RGS12: variants seen among roughly 807,000 people sequenced by gnomAD.
RGS12 encodes regulator of G protein signaling 12.
Under a neutral mutation model 120.1 loss-of-function variants are expected in RGS12, and 66 were observed. That is an observed-to-expected ratio of 0.55 (90% CI 0.45 to 0.67). RGS12 has a LOEUF of 0.67. Among genes scored for constraint, RGS12 ranks in the 30% least tolerant of loss-of-function variants. The pLI is 0.00. For synonymous variants in RGS12, 827 were observed against 804.7 expected, an observed-to-expected ratio of 1.03 and a Z score of -0.47; for missense variants, 1,859 against 1,957.7, an observed-to-expected ratio of 0.95 and a Z score of 0.95.
upstream of RGS12, among the ~76,000 whole-genome samples, chr4:3,288,773 C>A (rs1312171598): frequency 6.6e-6 from 1 of 152,234 alleles, no homozygotes; most frequent in Non-Finnish European, 1.5e-5. The surrounding 1 kb of genome is among the most constrained non-coding windows in gnomAD (Gnocchi z 5.2). Context: ...TGGGCCTTTG[C>A]ACCGATTCCC....
At position 3,317,526 on chromosome 4, in the gene RGS12, C is replaced by T. The variant is rs142127526; in HGVS notation, c.1356C>T (p.Pro452=). 1.6e-3 allele frequency: 2,537 copies of T among 1,611,668 alleles called. 51 individuals carry two copies. In the Admixed American group the frequency reaches 0.039, roughly 24 times the overall value. Residue 452 remains proline, a synonymous_variant, in exon 2 of 18, where the codon CCC becomes CCT. Coordinates refer to ENST00000336727, the MANE Select transcript of RGS12 (RefSeq NM_001394154.1). ...DLGGSSSRHG[P]GGSAWDGVGG... ...GTGGGAGCTCGAGCAGACACGGCCC[C>T]GGAGGCAGCGCGTGGGACGGTGTGG...
chr4:3,377,175 G>A (rs1358173983), intron 3 of RGS12, among the ~76,000 whole-genome samples: 5 of 152,086 alleles, frequency 3.3e-5, no homozygotes, highest in East Asian at 3.9e-4. Flanking sequence ...GGGCTCAAGC[G>A]ATCCTCCTGC....
chr4:3,420,748 G>T (rs371964195), intron 10 of RGS12, 30 bp downstream of exon 10: 3 of 1,583,680 alleles, frequency 1.9e-6, no homozygotes, highest in Non-Finnish European at 8.6e-7. Context: ...CGTCCCACAG[G>T]CCTCAGGGGT....
At chr4:3,417,227 A>G in intron 8 of RGS12, 135 bp downstream of exon 8, 2 of 1,320,850 alleles carry the variant, frequency 1.5e-6, no homozygotes, top group Non-Finnish European at 2.0e-6. Flanking sequence ...GGAAAGTTCC[A>G]GCTGCTGTCT....
intron 3 of RGS12, among the ~76,000 whole-genome samples, chr4:3,379,004 GATGTGT>G (rs914790066): frequency 1.8e-5 from 2 of 109,106 alleles, no homozygotes; most frequent in African/African-American, 6.5e-5. Context: ...GGAAATGTGC[GATGTGT>G]GTGTGTGTGT....
intron 7 of RGS12, among the ~76,000 whole-genome samples, chr4:3,416,465 T>C (rs2109119685): frequency 6.6e-6 from 1 of 152,308 alleles, no homozygotes; most frequent in East Asian, 1.9e-4. Context: ...CGTAGGACAT[T>C]GCTGTGGTCA....
chr4:3,360,829 G>A (rs980544049), intron 3 of RGS12, among the ~76,000 whole-genome samples: 8 of 152,202 alleles, frequency 5.3e-5, no homozygotes, highest in African/African-American at 9.6e-5. Context: ...AATGCAGCAC[G>A]TCCATGAGAA....
At chr4:3,337,343 A>G (rs1361746963) in intron 2 of RGS12, among the ~76,000 whole-genome samples, 1 of 152,232 alleles carries the variant, frequency 6.6e-6, no homozygotes, top group African/African-American at 2.4e-5. Flanking sequence ...CAATGACCAC[A>G]TGGCCCACAG....
At chr4:3,324,970 G>A (rs371580365) in intron 2 of RGS12, among the ~76,000 whole-genome samples, 15 of 152,120 alleles carry the variant, frequency 9.9e-5, no homozygotes, top group African/African-American at 2.4e-4. Context: ...CTACCTGATT[G>A]TAGGCCTTTT....
intron 4 of RGS12, among the ~76,000 whole-genome samples, chr4:3,388,000 G>A (rs1719031621): frequency 6.6e-6 from 1 of 152,160 alleles, no homozygotes; most frequent in South Asian, 2.1e-4. Flanking sequence ...TGCTGGCTCT[G>A]TGTGTCCCTC....
chr4:3,290,272 C>G (rs923289633), upstream of RGS12, among the ~76,000 whole-genome samples: 6 of 152,186 alleles, frequency 3.9e-5, no homozygotes, highest in African/African-American at 1.4e-4. Flanking sequence ...GTTAAGGGTA[C>G]AGCTCAGGGG....
intron 3 of RGS12, among the ~76,000 whole-genome samples, chr4:3,359,460 A>G: frequency 1.1e-5 from 1 of 87,452 alleles, no homozygotes; most frequent in Admixed American, 1.4e-4. Context: ...TCTTTTAGAA[A>G]GAGTTTGAGA....
chr4:3,308,219 A>G (rs1468115328), intron 1 of RGS12, among the ~76,000 whole-genome samples: 1 of 152,234 alleles, frequency 6.6e-6, no homozygotes, highest in East Asian at 1.9e-4. Flanking sequence ...GCAGCACCCC[A>G]ATTTTTGGCC....
intron 2 of RGS12, chr4:3,323,932 G>T (rs1725383841): frequency 1.3e-5 from 2 of 151,940 alleles, no homozygotes; most frequent in African/African-American, 4.8e-5. Flanking sequence ...TATTGAAGGA[G>T]AATTTGTGTT....
chr4:3,416,437 G>A (rs1487344700), intron 7 of RGS12, among the ~76,000 whole-genome samples: 1 of 152,222 alleles, frequency 6.6e-6, no homozygotes, highest in African/African-American at 2.4e-5. Flanking sequence ...TGGCGCATCT[G>A]CGTTTGAAGT....
At chr4:3,358,937 CCTTCCTCCCCCTCCCCTT>C (rs1715160190) in intron 3 of RGS12, among the ~76,000 whole-genome samples, 1 of 87,160 alleles carries the variant, frequency 1.1e-5, no homozygotes, top group Non-Finnish European at 2.3e-5. Flanking sequence ...CTCCTCCTCC[CCTTCCTCCCCCTCCCCTT>C]CTTCCTCCTC....
intron 9 of RGS12, chr4:3,420,263 G>T (rs542730615): frequency 1.4e-5 from 4 of 282,216 alleles, no homozygotes; most frequent in Non-Finnish European, 2.7e-5. Context: ...GAAAGCTCCA[G>T]ATGGAATGGA....
intron 2 of RGS12, among the ~76,000 whole-genome samples, chr4:3,318,471 C>T (rs1724958637): frequency 1.3e-5 from 2 of 152,206 alleles, no homozygotes; most frequent in African/African-American, 4.8e-5. Context: ...CCTCTTGAGG[C>T]GAGAATATTC....
chr4:3,436,015 C>T (rs1724773568), intron 17 of RGS12, among the ~76,000 whole-genome samples: 1 of 152,224 alleles, frequency 6.6e-6, no homozygotes, highest in Non-Finnish European at 1.5e-5. Context: ...CTGCTGGGCG[C>T]TGTCCACTCC....
Sources: gnomAD v4.1 joint callset for allele counts (sites outside exome capture counted in the v4.1 genomes callset) on GRCh38, gnomAD v4.1.1 for gene constraint, Gnocchi (gnomAD v3.1) non-coding constraint, MANE v1.5 for transcripts, NCBI Gene and HGNC (gene_info 2026-07-23, HGNC 2026-07-21) for gene names.